SLC38A6: variants seen among roughly 807,000 people sequenced by gnomAD.
SLC38A6 encodes the protein N system amino acid transporter NAT-1.
In SLC38A6, 73 loss-of-function variants were observed where a neutral mutation model predicts 65.0. That is an observed-to-expected ratio of 1.12 (90% CI 0.93 to 1.37). SLC38A6 has a LOEUF of 1.37. Ranked by LOEUF, SLC38A6 falls within the 40% of genes most tolerant of loss-of-function variation. The probability of loss-of-function intolerance (pLI) is 0.00; values close to 1 mark genes in which losing one functional copy is unlikely to be tolerated. For synonymous variants in SLC38A6, 183 were observed against 178.8 expected, an observed-to-expected ratio of 1.02 and a Z score of -0.19; for missense variants, 561 against 531.1, an observed-to-expected ratio of 1.06 and a Z score of -0.55.
At chr14:61,018,004 A>C (rs144816609) in intron 4 of SLC38A6, among the ~76,000 whole-genome samples, 41 of 152,324 alleles carry the variant, frequency 2.7e-4, no homozygotes, top group Admixed American at 8.5e-4. Context: ...ATTGGTATTT[A>C]TTCACCAGAC....
chr14:61,063,717 C>T (rs2042933188), intron 15 of SLC38A6, among the ~76,000 whole-genome samples: 1 of 136,650 alleles, frequency 7.3e-6, no homozygotes, highest in African/African-American at 2.7e-5. Context: ...AGATATTTAG[C>T]AACTGGAGAA....
At chr14:61,015,829 G>A in intron 3 of SLC38A6, 75 bp from the exon 4 acceptor site, 1 of 1,155,670 alleles carries the variant, frequency 8.7e-7, no homozygotes, top group Non-Finnish European at 1.2e-6. Flanking sequence ...TTTGTAGTAG[G>A]ACCTGCTCTT....
At chr14:61,045,298 T>C in intron 10 of SLC38A6, 48 bp from the exon 11 acceptor site, 2 of 1,181,546 alleles carry the variant, frequency 1.7e-6, no homozygotes, top group Non-Finnish European at 2.5e-6. Context: ...AATAATGGTT[T>C]CAGTAGAGTG....
chr14:61,030,619 TA>T lies in SLC38A6; in HGVS notation c.482+99del, dbSNP rs1352899388. The stretch of plus-strand genomic sequence containing the variant: ...GCAATACTTGTAGTGGCAGGTAAAA[TA>T]AATGTAGTCCTTGCCCTCAAGACAG... On this transcript the variant is annotated intron_variant, in intron 6 of 15. Transcript: ENST00000267488. 14 of 800,212 alleles carry T rather than the reference TA, an allele frequency of 1.7e-5. No individual in the cohort carries two copies. The East Asian group carries it at 3.3e-4, about 19-fold the overall frequency. 49.6% of individuals were successfully genotyped at this position (800,212 alleles called of 1,614,324 possible).
At chr14:61,011,260 T>A (rs911829078) in intron 3 of SLC38A6, among the ~76,000 whole-genome samples, 1 of 152,220 alleles carries the variant, frequency 6.6e-6, no homozygotes, top group Non-Finnish European at 1.5e-5. Context: ...AAGTTGCCTA[T>A]CAGCTTAAGG....
Position 61,019,494 on chromosome 14 carries a change from T to TA in SLC38A6, c.364-46dup, listed in dbSNP as rs1352296316. On this transcript the variant is annotated intron_variant, in intron 4 of 15. Coordinates refer to ENST00000267488, the MANE Select transcript of SLC38A6 (RefSeq NM_153811.3). ...GATTTTAATAAAATACTGATCCTTT[T>TA]ATATTGTTTCCCCTTCTATCTTCTG... 9.4e-6 allele frequency: 15 copies of TA among 1,592,318 alleles called. No individual in the cohort carries two copies. The East Asian group carries it at 3.4e-4, about 36-fold the overall frequency.
rs573501265 is a variant in SLC38A6 at position 61,012,401 on chromosome 14, C to T, written c.311-3503C>T. ...CTATTTCCTTCAGTTCTGCTCTGAT[C>T]TTAGTTATTTCTTGCCTTCTGCTAG... On this transcript the variant is annotated intron_variant, in intron 3 of 15. Coordinates refer to ENST00000267488, the MANE Select transcript of SLC38A6 (RefSeq NM_153811.3). 2.0e-5 allele frequency among the ~76,000 whole-genome samples: 3 copies of T among 152,076 alleles called. No homozygotes were observed. In the East Asian group the frequency reaches 5.8e-4, roughly 29 times the overall value.
intron 3 of SLC38A6, among the ~76,000 whole-genome samples, chr14:60,985,278 C>G (rs1247700798): frequency 1.3e-5 from 2 of 152,112 alleles, no homozygotes; most frequent in East Asian, 3.8e-4. Flanking sequence ...TTTTTAATTG[C>G]AAGTCTAGAA....
At chr14:61,037,805 T>C (rs1248662056) in intron 8 of SLC38A6, 122 bp downstream of exon 8, 1 of 603,098 alleles carries the variant, frequency 1.7e-6, no homozygotes, top group African/African-American at 1.9e-5. Flanking sequence ...CACTGTGTTA[T>C]TAAAAGCACT....
intron 16 of SLC38A6, among the ~76,000 whole-genome samples, chr14:61,080,334 C>A (rs535687109): frequency 6.6e-6 from 1 of 152,258 alleles, no homozygotes; most frequent in Admixed American, 6.5e-5. Context: ...AGAGGCTCAG[C>A]TGAGGGACTC....
At chr14:61,079,681 G>A (rs1236533131) in intron 16 of SLC38A6, among the ~76,000 whole-genome samples, 6 of 152,044 alleles carry the variant, frequency 3.9e-5, no homozygotes, top group East Asian at 1.9e-4. Context: ...ACCACCCTGC[G>A]ACAGCCTTTA....
intron 16 of SLC38A6, among the ~76,000 whole-genome samples, chr14:61,080,215 A>G (rs1003721451): frequency 5.3e-5 from 8 of 152,154 alleles, no homozygotes; most frequent in African/African-American, 7.2e-5. Flanking sequence ...TCTCATACCT[A>G]TGACTGACAA....
chr14:61,079,955 A>G (rs1415626232), intron 16 of SLC38A6, among the ~76,000 whole-genome samples: 1 of 152,168 alleles, frequency 6.6e-6, no homozygotes, highest in South Asian at 2.1e-4. Flanking sequence ...GTCCCCAGCA[A>G]GAGAGGATCA....
At chr14:61,023,585 A>AT (rs948119136) in intron 5 of SLC38A6, among the ~76,000 whole-genome samples, 7 of 16,910 alleles carry the variant, frequency 4.1e-4, no homozygotes, top group African/African-American at 6.5e-4. Flanking sequence ...TAATAATAAT[A>AT]ATAATATATA....
rs775285574 is a variant in SLC38A6 at position 61,015,960 on chromosome 14, A to G, written c.363+4A>G. 5.0e-6 allele frequency: 8 copies of G among 1,603,610 alleles called. No homozygotes were observed. The East Asian group carries it at 1.1e-4, about 23-fold the overall frequency. On this transcript the variant is annotated splice_donor_region_variant and intron_variant, in intron 4 of 15. Transcript: ENST00000267488. ...TGCATTTGGATTACCTGGAAAGGTA[A>G]TTTTTTTTCCTCCTCATTGTGTCCA...
exon 16 of SLC38A6, chr14:61,078,829 G>A: frequency 4.7e-6 from 1 of 213,666 alleles, no homozygotes; most frequent in Middle Eastern, 1.7e-3. Flanking sequence ...CTGTCGCACA[G>A]GTTGGCGTGC....
At chr14:61,062,876 G>A (rs1011794244) in intron 15 of SLC38A6, among the ~76,000 whole-genome samples, 2 of 151,934 alleles carry the variant, frequency 1.3e-5, no homozygotes, top group Non-Finnish European at 2.9e-5. Context: ...ATAGGGTTTC[G>A]CCATGTTGGC....
At chr14:61,014,739 C>G (rs1325227837) in intron 3 of SLC38A6, among the ~76,000 whole-genome samples, 1 of 152,172 alleles carries the variant, frequency 6.6e-6, no homozygotes, top group Non-Finnish European at 1.5e-5. Context: ...GATCGTTCCT[C>G]TGGAAGTTTT....
At chr14:61,074,171 C>T (rs1307917597) in intron 15 of SLC38A6, among the ~76,000 whole-genome samples, 1 of 152,134 alleles carries the variant, frequency 6.6e-6, no homozygotes, top group Non-Finnish European at 1.5e-5. Context: ...GCACCTCTGA[C>T]CCCCACATTG....
Sources: allele counts gnomAD v4.1 joint callset (sites outside exome capture counted in the v4.1 genomes callset), GRCh38; gene constraint gnomAD v4.1.1; transcripts MANE v1.5; gene names NCBI Gene and HGNC (gene_info 2026-07-23, HGNC 2026-07-21).